GRID2: variants seen among roughly 807,000 people sequenced by gnomAD.
The protein encoded by GRID2 is glutamate receptor ionotropic, delta-2.
Under a neutral mutation model 114.8 loss-of-function variants are expected in GRID2, and 33 were observed. The observed-to-expected ratio is 0.29, with a 90% CI of 0.22 to 0.38. The LOEUF is 0.38. Among genes scored for constraint, GRID2 ranks in the 10% least tolerant of loss-of-function variants. The pLI, the probability that GRID2 is intolerant of heterozygous loss-of-function variation, is 1.00. For synonymous variants in GRID2, 505 were observed against 449.9 expected (o/e 1.12, Z -1.55); for missense variants, 1,184 against 1,257.7 (o/e 0.94, Z 0.89).
intron 2 of GRID2, among the ~76,000 whole-genome samples, chr4:92,726,164 G>A (rs891691293): frequency 1.3e-5 from 2 of 152,082 alleles, no homozygotes; most frequent in Non-Finnish European, 1.5e-5. Context: ...ATATGGATAA[G>A]AGTTGAAATT....
At chr4:93,009,995 TG>T (rs1721960598) in intron 2 of GRID2, among the ~76,000 whole-genome samples, 1 of 152,090 alleles carries the variant, frequency 6.6e-6, no homozygotes, top group Non-Finnish European at 1.5e-5. Flanking sequence ...ATGATAATAC[TG>T]CTAAGATATT....
At chr4:93,376,134 A>T (rs1763357873) in intron 8 of GRID2, among the ~76,000 whole-genome samples, 1 of 152,050 alleles carries the variant, frequency 6.6e-6, no homozygotes, top group African/African-American at 2.4e-5. Context: ...TTCTTTAAAG[A>T]CCCTATCTTC....
At chr4:92,599,414 A>G (rs1729097648) in intron 2 of GRID2, among the ~76,000 whole-genome samples, 1 of 152,182 alleles carries the variant, frequency 6.6e-6, no homozygotes, top group African/African-American at 2.4e-5. Context: ...TGAAAGATGG[A>G]TCATCTCTGG....
chr4:92,953,743 A>G (rs887457002), intron 2 of GRID2, among the ~76,000 whole-genome samples: 43 of 152,128 alleles, frequency 2.8e-4, no homozygotes, highest in African/African-American at 1.0e-3. Context: ...ACTTCATACC[A>G]TATTTTTTTA....
chr4:92,560,080 T>A (rs1027402588), intron 1 of GRID2, among the ~76,000 whole-genome samples: 2 of 152,196 alleles, frequency 1.3e-5, no homozygotes, highest in African/African-American at 4.8e-5. Flanking sequence ...GGAAATGACA[T>A]TTTAGGAGTT....
chr4:92,938,331 T>A (rs1453548738), intron 2 of GRID2, among the ~76,000 whole-genome samples: 1 of 146,742 alleles, frequency 6.8e-6, no homozygotes, highest in Non-Finnish European at 1.5e-5. Context: ...ATGGCCCATC[T>A]TTCTGGTTTT....
chr4:92,535,605 C>T (rs542143099), intron 1 of GRID2, among the ~76,000 whole-genome samples: 1 of 152,152 alleles, frequency 6.6e-6, no homozygotes, highest in Admixed American at 6.5e-5. Context: ...CATGCAATTA[C>T]CAAGAGACAA....
chr4:92,897,399 AG>A (rs1455201548), intron 2 of GRID2, among the ~76,000 whole-genome samples: 1 of 152,174 alleles, frequency 6.6e-6, no homozygotes, highest in African/African-American at 2.4e-5. Context: ...GTACTTTTAG[AG>A]AAAGGGCAAA....
At chr4:93,318,915 T>A (rs1214024887) in intron 8 of GRID2, 1 of 152,186 alleles carries the variant, frequency 6.6e-6, no homozygotes. Context: ...AAATTTATTT[T>A]TAGTAATATG....
At chr4:92,976,726 A>G (rs979342267) in intron 2 of GRID2, among the ~76,000 whole-genome samples, 1 of 152,236 alleles carries the variant, frequency 6.6e-6, no homozygotes, top group Non-Finnish European at 1.5e-5. Flanking sequence ...GAGAAAATTG[A>G]CTTGATGTCT....
chr4:93,782,364 C>A (rs1734497211), intron 1 of GRID2, among the ~76,000 whole-genome samples: 1 of 152,056 alleles, frequency 6.6e-6, no homozygotes, highest in African/African-American at 2.4e-5. Context: ...TATGTTCAAG[C>A]CAATATACTT....
chr4:93,388,936 CT>C (rs1270743894), intron 8 of GRID2, among the ~76,000 whole-genome samples: 1 of 152,018 alleles, frequency 6.6e-6, no homozygotes, highest in East Asian at 1.9e-4. Context: ...TCTGAGCTCC[CT>C]TTGAGGTATC....
chr4:92,716,807 T>C (rs1170236229), intron 2 of GRID2, among the ~76,000 whole-genome samples: 1 of 152,184 alleles, frequency 6.6e-6, no homozygotes, highest in Non-Finnish European at 1.5e-5. Flanking sequence ...TTCACTTAAA[T>C]GTTTAAAATC....
chr4:92,449,452 T>C (rs1560638235), intron 1 of GRID2, among the ~76,000 whole-genome samples: 1 of 151,658 alleles, frequency 6.6e-6, no homozygotes, highest in African/African-American at 2.4e-5. Flanking sequence ...TGGAGATGAG[T>C]TGAAAATTTT....
rs546582549 is a variant in GRID2, at chr4:92,540,982, T to A, written c.89-49149T>A. On this transcript the variant is annotated intron_variant, in intron 1 of 15. Transcript: ENST00000282020. ...GCAGCCATAAAAACGGATGAGTTCA[T>A]GTCCTTTGTAGGAACATGGATGAAG... Among the ~76,000 whole-genome samples, 120 of 152,210 alleles carry A rather than the reference T, an allele frequency of 7.9e-4. 1 individual carries two copies. Among genetic ancestry groups the A allele is most frequent in the Non-Finnish European group, 1.2e-3 (82 of 68,038 alleles).
chr4:93,106,835 T>C (rs555889735), intron 3 of GRID2, among the ~76,000 whole-genome samples: 3 of 152,318 alleles, frequency 2.0e-5, no homozygotes, highest in South Asian at 2.1e-4. Context: ...CAGTAAAATT[T>C]AGGCAATCTG....
At chr4:92,380,168 C>T (rs1055024325) in intron 1 of GRID2, among the ~76,000 whole-genome samples, 2 of 151,524 alleles carry the variant, frequency 1.3e-5, no homozygotes, top group Admixed American at 1.3e-4. Flanking sequence ...TTTTGTATCA[C>T]TTAGCCCTTT....
At chr4:92,690,733 C>T (rs1341176041) in intron 2 of GRID2, among the ~76,000 whole-genome samples, 4 of 152,052 alleles carry the variant, frequency 2.6e-5, no homozygotes, top group Non-Finnish European at 5.9e-5. Flanking sequence ...TTAAGCTATA[C>T]ACCCCATGAG....
intron 1 of GRID2, among the ~76,000 whole-genome samples, chr4:92,463,555 A>G (rs1471765462): frequency 6.6e-6 from 1 of 152,024 alleles, no homozygotes; most frequent in Non-Finnish European, 1.5e-5. Flanking sequence ...TGAAGTCAAG[A>G]GTTTCAGATA....
Sources: allele counts gnomAD v4.1 joint callset (sites outside exome capture counted in the v4.1 genomes callset), GRCh38; gene constraint gnomAD v4.1.1; transcripts MANE v1.5; gene names NCBI Gene and HGNC (gene_info 2026-07-23, HGNC 2026-07-21).